Variants in IGF2BP2 observed in about 807,000 individuals in gnomAD.
IGF2BP2 encodes the protein insulin-like growth factor 2 mRNA-binding protein 2.
A neutral mutation model predicts 75.8 loss-of-function variants in IGF2BP2; 17 were observed. The observed-to-expected ratio is 0.22, with a 90% CI of 0.15 to 0.34. The LOEUF (loss-of-function observed/expected upper bound fraction) is 0.34. Ranked by LOEUF, IGF2BP2 falls within the 10% of genes least tolerant of loss-of-function variation. The pLI, the probability that IGF2BP2 is intolerant of heterozygous loss-of-function variation, is 1.00. For synonymous variants in IGF2BP2, 288 were observed against 295.6 expected, an observed-to-expected ratio of 0.97 and a Z score of 0.26; for missense variants, 516 against 772.4, an observed-to-expected ratio of 0.67 and a Z score of 3.93.
intron 2 of IGF2BP2, among the ~76,000 whole-genome samples, chr3:185,806,958 C>T (rs755526361): frequency 6.6e-6 from 1 of 152,068 alleles, no homozygotes; most frequent in Non-Finnish European, 1.5e-5. Flanking sequence ...TGGCGCATTT[C>T]TTAGAAAACC....
intron 2 of IGF2BP2, among the ~76,000 whole-genome samples, chr3:185,752,809 C>G (rs1057135518): frequency 1.3e-5 from 2 of 152,110 alleles, no homozygotes; most frequent in Admixed American, 6.5e-5. Context: ...GTTGGCCAGG[C>G]TGGTCTCGAA....
intron 2 of IGF2BP2, among the ~76,000 whole-genome samples, chr3:185,725,328 A>T (rs114698979): frequency 0.011 from 1,745 of 152,314 alleles, 16 homozygotes; most frequent in Non-Finnish European, 0.018. Flanking sequence ...AAAAAGCAAG[A>T]TGTACGCTTC....
intron 2 of IGF2BP2, among the ~76,000 whole-genome samples, chr3:185,748,929 C>T (rs971441262): frequency 1.3e-5 from 2 of 152,136 alleles, no homozygotes; most frequent in Non-Finnish European, 2.9e-5. Flanking sequence ...TTTGGGAGGC[C>T]GAGGCAGGCT....
rs113654452 is a variant in IGF2BP2, at chr3:185,742,593, G to A, written c.240-44246C>T. 8.4e-3 allele frequency among the ~76,000 whole-genome samples: 1,277 copies of A among 152,196 alleles called. 12 individuals carry two copies. The highest frequency in any genetic ancestry group is 0.014 in the Non-Finnish European group (945 of 68,018). ...GATCACTCGAGCCCAGGAGTTTGAG[G>A]TTACGGTGAGCTATGATCACCCCAC... On this transcript the variant is annotated intron_variant, in intron 2 of 15. Coordinates refer to ENST00000382199, the MANE Select transcript of IGF2BP2 (RefSeq NM_006548.6).
intron 2 of IGF2BP2, chr3:185,718,144 A>G (rs1224722652): frequency 6.6e-6 from 1 of 152,228 alleles, no homozygotes; most frequent in Non-Finnish European, 1.5e-5. Context: ...CTGTTTCTGT[A>G]AATAAAGTTT....
At chr3:185,673,149 G>A (rs1314662186) in intron 9 of IGF2BP2, among the ~76,000 whole-genome samples, 2 of 152,038 alleles carry the variant, frequency 1.3e-5, no homozygotes, top group African/African-American at 4.8e-5. Flanking sequence ...CAAATGCCCT[G>A]TCTGTGCTCT....
At chr3:185,659,680 AGCT>A (rs1456919932) in intron 10 of IGF2BP2, among the ~76,000 whole-genome samples, 1 of 151,930 alleles carries the variant, frequency 6.6e-6, no homozygotes, top group Non-Finnish European at 1.5e-5. Flanking sequence ...CCTGCCAAGT[AGCT>A]GCTTTTTACT....
In IGF2BP2 at chr3:185,672,667, T is replaced by C. The variant is rs768892091; in HGVS notation, c.1074A>G (p.Gln358=). ...TCAACCCTGGGATCAGATTGGCTTGTTGCTGGGAATAGAAATGGAGAAAAA... is the reference window on the plus strand; with the variant it reads ...TCAACCCTGGGATCAGATTGGCTTGCTGCTGGGAATAGAAATGGAGAAAAA... ...AFENDMLAVN[Q]QANLIPGLNL... Residue 358 remains glutamine, a splice_region_variant and synonymous_variant, in exon 10 of 16, where the codon CAA becomes CAG. Coordinates refer to ENST00000382199, the MANE Select transcript of IGF2BP2 (RefSeq NM_006548.6). The C allele has an allele frequency of 2.2e-5, 36 of 1,614,050 alleles. No individual in the cohort carries two copies. Among genetic ancestry groups the C allele is most frequent in the Admixed American group, 8.3e-5 (5 of 60,000 alleles).
chr3:185,763,802 C>T (rs1732690664), intron 2 of IGF2BP2, among the ~76,000 whole-genome samples: 1 of 151,996 alleles, frequency 6.6e-6, no homozygotes, highest in South Asian at 2.1e-4. Flanking sequence ...TTTGTTTTTG[C>T]GTGTTTTTTT....
At chr3:185,674,079 C>T (rs1718923388) in intron 9 of IGF2BP2, among the ~76,000 whole-genome samples, 2 of 152,076 alleles carry the variant, frequency 1.3e-5, no homozygotes, top group African/African-American at 4.8e-5. Flanking sequence ...AGGTGGGGGT[C>T]GGGGTGAGAT....
intron 2 of IGF2BP2, among the ~76,000 whole-genome samples, chr3:185,812,590 T>A (rs558966660): frequency 1.2e-4 from 18 of 152,328 alleles, no homozygotes; most frequent in African/African-American, 3.4e-4. Flanking sequence ...AGGAATGAAC[T>A]GAAGACTCAG....
intron 2 of IGF2BP2, among the ~76,000 whole-genome samples, chr3:185,746,096 C>G (rs1279755421): frequency 2.0e-5 from 3 of 152,068 alleles, no homozygotes; most frequent in Non-Finnish European, 4.4e-5. Flanking sequence ...ATAGTAATTC[C>G]AAAAGCTACT....
intron 2 of IGF2BP2, among the ~76,000 whole-genome samples, chr3:185,753,052 T>C (rs190865591): frequency 6.6e-6 from 1 of 152,348 alleles, no homozygotes; most frequent in Non-Finnish European, 1.5e-5. Context: ...AATTAGTTAA[T>C]ATTGTTAAAG....
At chr3:185,741,503 C>T (rs1176922146) in intron 2 of IGF2BP2, among the ~76,000 whole-genome samples, 1 of 152,146 alleles carries the variant, frequency 6.6e-6, no homozygotes, top group African/African-American at 2.4e-5. Context: ...GAATGGGTAT[C>T]AGTGGTGAGT....
chr3:185,724,795 C>T (rs1727077030), intron 2 of IGF2BP2: 1 of 152,218 alleles, frequency 6.6e-6, no homozygotes, highest in Non-Finnish European at 1.5e-5. Context: ...TGCCTATATG[C>T]TTTCCTTATG....
intron 10 of IGF2BP2, among the ~76,000 whole-genome samples, chr3:185,663,840 GATAA>G (rs1716866471): frequency 6.6e-6 from 1 of 152,138 alleles, no homozygotes; most frequent in South Asian, 2.1e-4. Flanking sequence ...GCATCCCAGG[GATAA>G]ATCCCACTTG....
intron 2 of IGF2BP2, chr3:185,722,087 T>A (rs749633466): frequency 2.8e-6 from 1 of 352,670 alleles, no homozygotes; most frequent in Non-Finnish European, 5.5e-6. Context: ...ACCAACCACA[T>A]CTGATTTTTT....
chr3:185,715,838 G>A (rs1560345935), intron 2 of IGF2BP2, among the ~76,000 whole-genome samples: 1 of 151,998 alleles, frequency 6.6e-6, no homozygotes, highest in African/African-American at 2.4e-5. Context: ...TAGAGACGGG[G>A]TTTTGCCATG....
At chr3:185,652,026 G>T in intron 13 of IGF2BP2, 68 bp downstream of exon 13, 1 of 1,270,496 alleles carries the variant, frequency 7.9e-7, no homozygotes, top group Non-Finnish European at 1.1e-6. Context: ...GAAGAGCCTT[G>T]AATGTGCCTC....
Sources: allele counts gnomAD v4.1 joint callset (sites outside exome capture counted in the v4.1 genomes callset), GRCh38; gene constraint gnomAD v4.1.1; transcripts MANE v1.5; gene names NCBI Gene and HGNC (gene_info 2026-07-23, HGNC 2026-07-21).